Variants in WRAP53 observed in about 807,000 individuals in gnomAD.
WRAP53 encodes telomerase Cajal body protein 1.
In WRAP53, 28 loss-of-function variants were observed where a neutral mutation model predicts 56.6. The observed-to-expected ratio is 0.50, with a 90% confidence interval of 0.37 to 0.68. WRAP53 has a LOEUF of 0.68. WRAP53 is among the 30% of genes least tolerant of loss of function. The pLI, the probability that WRAP53 is intolerant of heterozygous loss-of-function variation, is 0.00. For synonymous variants in WRAP53, 283 were observed against 283.4 expected, an observed-to-expected ratio of 1.00 and a Z score of 0.01; for missense variants, 671 against 715.5, an observed-to-expected ratio of 0.94 and a Z score of 0.71.
chr17:7,692,670 C>T (rs566080674), intron 4 of WRAP53, among the ~76,000 whole-genome samples: 57 of 149,784 alleles, frequency 3.8e-4, no homozygotes, highest in Non-Finnish European at 7.0e-4. Flanking sequence ...TCCCACCCAT[C>T]CTAATCAGGT....
Position 7,702,966 on chromosome 17 carries a change from C to T in WRAP53, c.1269-27C>T, listed in dbSNP as rs545154484. The T allele has an allele frequency of 6.2e-7, 1 of 1,613,348 alleles. No homozygotes were observed. Among genetic ancestry groups the T allele is most frequent in the South Asian group, 1.1e-5 (1 of 91,086 alleles). ...TCCTGCCCCAGGGGTGAGGCCTCTG[C>T]CAGCAAATCTCTCCTCTCTCTCGCA... On this transcript the variant is annotated intron_variant, in intron 9 of 10. Coordinates refer to ENST00000396463, the MANE Select transcript of WRAP53 (RefSeq NM_001143992.2). The surrounding 1 kb of genome is among the most constrained non-coding windows in gnomAD (Gnocchi z 5.0).
chr17:7,699,006 G>A (rs1023160148), intron 4 of WRAP53, among the ~76,000 whole-genome samples: 2 of 151,926 alleles, frequency 1.3e-5, no homozygotes, highest in African/African-American at 4.8e-5. Flanking sequence ...GTTTCAGTGA[G>A]ATGATTGCGC....
chr17:7,694,855 CTTT>C (rs35283667), intron 4 of WRAP53, among the ~76,000 whole-genome samples: 7 of 136,830 alleles, frequency 5.1e-5, no homozygotes, highest in Admixed American at 1.5e-4. Flanking sequence ...CCTTTTTGTG[CTTT>C]TTTTTTTTTT....
rs372052208 is a variant in WRAP53 at position 7,688,798 on chromosome 17, G to A, written c.150G>A (p.Pro50=). ...LMPPPPERGD[P]PRLSPDPVAG... ...CACCGCCTCCCGAAAGGGGGGATCC[G>A]CCCCGGTTGTCCCCAGATCCTGTGG... Residue 50 remains proline (P), a synonymous_variant, in exon 2 of 11, where the codon CCG becomes CCA. Transcript: ENST00000396463. 1.2e-6 allele frequency: 2 copies of A among 1,614,100 alleles called. No homozygotes were observed. Among genetic ancestry groups the A allele is most frequent in the African/African-American group, 2.7e-5 (2 of 74,926 alleles).
At chr17:7,689,397 A>C in intron 3 of WRAP53, 75 bp downstream of exon 3, 1 of 1,496,606 alleles carries the variant, frequency 6.7e-7, no homozygotes, top group South Asian at 1.1e-5. Context: ...TTTCTAGGAG[A>C]GGGATGCCCC....
intron 4 of WRAP53, among the ~76,000 whole-genome samples, chr17:7,697,890 C>T (rs2074207768): frequency 7.0e-6 from 1 of 142,122 alleles, no homozygotes; most frequent in Non-Finnish European, 1.5e-5. Context: ...TTTTTGGAGA[C>T]AGGATCTTGT....
upstream of WRAP53, chr17:7,687,638 A>G (rs1193876118): frequency 2.5e-6 from 1 of 398,902 alleles, no homozygotes; most frequent in African/African-American, 2.1e-5. Context: ...AGCAAAGGAA[A>G]TGGAGTTGGG....
chr17:7,688,581 C>A lies in WRAP53; in HGVS notation c.-2+20C>A. 6.4e-7 allele frequency: 1 copy of A among 1,569,270 alleles called. No individual in the cohort carries two copies. The highest frequency in any genetic ancestry group is 8.7e-7 in the Non-Finnish European group (1 of 1,151,090). On this transcript the variant is annotated intron_variant, in intron 1 of 10. Coordinates refer to ENST00000396463, the MANE Select transcript of WRAP53 (RefSeq NM_001143992.2). Reference sequence around the variant, plus strand: ...GCACAGGTGGGTTTCTTTAGCTCTGCGTCGGATCCCTGAGAACTTCGAAGC... The same window carrying A: ...GCACAGGTGGGTTTCTTTAGCTCTGAGTCGGATCCCTGAGAACTTCGAAGC...
At position 7,689,582 on chromosome 17, in the gene WRAP53, G is replaced by A; in HGVS notation, c.531-8G>A. 1 of 1,613,588 alleles carries A rather than the reference G, an allele frequency of 6.2e-7. No homozygotes were observed. The highest frequency in any genetic ancestry group is 1.1e-5 in the South Asian group (1 of 91,066). Reference sequence around the variant, plus strand: ...CTGGCCAGCTTTCTAACTCTCCCCTGTTTCTAGGGCTCCTGACGGTTCCTG... The same window carrying A: ...CTGGCCAGCTTTCTAACTCTCCCCTATTTCTAGGGCTCCTGACGGTTCCTG... On this transcript the variant is annotated splice_polypyrimidine_tract_variant and splice_region_variant and intron_variant, in intron 3 of 10. Transcript: ENST00000396463.
At chr17:7,699,498 A>AT (rs1567577512) in intron 4 of WRAP53, among the ~76,000 whole-genome samples, 1 of 12,122 alleles carries the variant, frequency 8.2e-5, no homozygotes, top group Non-Finnish European at 1.4e-4. Flanking sequence ...ATATATATAT[A>AT]TATTTATATA....
Position 7,699,117 on chromosome 17 carries a change from T to C in WRAP53, c.643-1624T>C, listed in dbSNP as rs185010179. 3.3e-3 allele frequency among the ~76,000 whole-genome samples: 492 copies of C among 150,884 alleles called. 2 individuals are homozygous for C. The highest frequency in any genetic ancestry group is 0.01 in the Middle Eastern group (3 of 288). ...AGACAACGTTAGATACTGTTTTTTT[T>C]CCCATATGAATATACTCCTAGGCTG... On this transcript the variant is annotated intron_variant, in intron 4 of 10. Transcript: ENST00000396463.
At position 7,702,081 on chromosome 17, in the gene WRAP53, C is replaced by T. The variant is rs937422476; in HGVS notation, c.956-263C>T. The T allele has an allele frequency of 5.6e-6, 4 of 716,120 alleles. No individual in the cohort carries two copies. Among genetic ancestry groups the T allele is most frequent in the South Asian group, 3.1e-5 (2 of 65,374 alleles). The allele number at this position is 716,120 out of a possible 1,614,324, so 44.4% of individuals were successfully genotyped here. A position where few individuals can be genotyped will look rare whatever the true frequency, so the allele number is the denominator to read the frequency against. Reference sequence around the variant, plus strand: ...AGAAAATTGTTGATAAAGCTGATTCCGTTTTCCTGTAGGCCTTCAACTTGC... The same window carrying T: ...AGAAAATTGTTGATAAAGCTGATTCTGTTTTCCTGTAGGCCTTCAACTTGC... On this transcript the variant is annotated intron_variant, in intron 7 of 10. Coordinates refer to ENST00000396463, the MANE Select transcript of WRAP53 (RefSeq NM_001143992.2). This position sits in a 1 kb window ranked among gnomAD's most constrained non-coding sequence, Gnocchi z 5.0.
At position 7,701,023 on chromosome 17, in the gene WRAP53, A is replaced by G. The variant is rs1040188408; in HGVS notation, c.731+194A>G. On this transcript the variant is annotated intron_variant, in intron 5 of 10. Coordinates refer to ENST00000396463, the MANE Select transcript of WRAP53 (RefSeq NM_001143992.2). This position sits in a 1 kb window ranked among gnomAD's most constrained non-coding sequence, Gnocchi z 4.2. ...AGTCTCCCTCTGTCACCCAGGCTGG[A>G]GGGCGGTGATGCAGTCTCAGCTCAC... Among the ~76,000 whole-genome samples the G allele has an allele frequency of 3.3e-5, 5 of 149,290 alleles. No homozygotes were observed. The highest frequency in any genetic ancestry group is 1.2e-4 in the African/African-American group (5 of 40,346).
At chr17:7,700,895 A>G in intron 5 of WRAP53, 66 bp downstream of exon 5, 1 of 1,221,680 alleles carries the variant, frequency 8.2e-7, no homozygotes, top group East Asian at 2.4e-5. Flanking sequence ...CTCTTGGGAG[A>G]GTCAAGGGCT....
chr17:7,696,666 C>T (rs920611477), intron 4 of WRAP53, among the ~76,000 whole-genome samples: 1 of 151,848 alleles, frequency 6.6e-6, no homozygotes, highest in African/African-American at 2.4e-5. Context: ...GGGGGTAGCA[C>T]GTGGTAATGG....
rs1342264835 is a variant in WRAP53, at chr17:7,702,803, C to T, written c.1225C>T (p.Arg409Ter). The change falls in exon 9 of 11, where the codon CGA becomes TGA. Residue 409 changes from arginine to a stop codon, truncating the protein, a stop_gained. Coordinates refer to ENST00000396463, the MANE Select transcript of WRAP53 (RefSeq NM_001143992.2). LOFTEE classifies it high-confidence loss of function. This position sits in a 1 kb window ranked among gnomAD's most constrained non-coding sequence, Gnocchi z 5.0. ...TGGTTACCCACTGTGGTCCCTGGGT[C>T]GAGAGGTGACCACCAATCAGCGCAT... ...QSGYPLWSLG[R>*]EVTTNQRIYF... The T allele has an allele frequency of 5.0e-6, 8 of 1,613,952 alleles. No homozygotes were observed. The highest frequency in any genetic ancestry group is 1.7e-5 in the Admixed American group (1 of 60,016).
chr17:7,691,805 G>A (rs906815816), intron 4 of WRAP53, among the ~76,000 whole-genome samples: 3 of 151,122 alleles, frequency 2.0e-5, no homozygotes, highest in African/African-American at 2.4e-5. Flanking sequence ...GATTACAGGC[G>A]TGAGCCACCA....
rs941599317 is a variant in WRAP53 at position 7,689,711 on chromosome 17, G to C, written c.642+10G>C. 6.3e-7 allele frequency: 1 copy of C among 1,597,472 alleles called. No homozygotes were observed. On this transcript the variant is annotated intron_variant, in intron 4 of 10. Coordinates refer to ENST00000396463, the MANE Select transcript of WRAP53 (RefSeq NM_001143992.2). ...GGAATATGCAGAAATGGTAAGGACT[G>C]GGGCTAACTGCCTCTTCATCAATGC...
Position 7,702,340 on chromosome 17 carries a change from C to G in WRAP53, c.956-4C>G, listed in dbSNP as rs995586153. On this transcript the variant is annotated splice_polypyrimidine_tract_variant and splice_region_variant and intron_variant, in intron 7 of 10. Coordinates refer to ENST00000396463, the MANE Select transcript of WRAP53 (RefSeq NM_001143992.2). The surrounding 1 kb of genome is among the most constrained non-coding windows in gnomAD (Gnocchi z 5.0). ...CTCCCCCACTTTGTTCCTTCCCTCT[C>G]TAGCAAAAAAGCAGGGCCAGAGCGG... 1.2e-6 allele frequency: 2 copies of G among 1,614,010 alleles called. No homozygotes were observed. The highest frequency in any genetic ancestry group is 1.7e-6 in the Non-Finnish European group (2 of 1,180,016).
Sources: gnomAD v4.1 joint callset for allele counts (sites outside exome capture counted in the v4.1 genomes callset) on GRCh38, gnomAD v4.1.1 for gene constraint, Gnocchi (gnomAD v3.1) non-coding constraint, MANE v1.5 for transcripts, NCBI Gene and HGNC (gene_info 2026-07-23, HGNC 2026-07-21) for gene names.